Variants in ABCD3 observed in about 807,000 individuals in gnomAD.
ABCD3 encodes the protein ATP-binding cassette sub-family D member 3.
In ABCD3, 41 loss-of-function variants were observed where a neutral mutation model predicts 105.5. The ratio of observed to expected loss-of-function variants is 0.39; its 90% confidence interval spans 0.30 to 0.50. ABCD3 has a LOEUF of 0.50. Ranked by LOEUF, ABCD3 falls within the 20% of genes least tolerant of loss-of-function variation. The pLI, the probability that ABCD3 is intolerant of heterozygous loss-of-function variation, is 0.84. For missense variants in ABCD3, 622 were observed against 806.3 expected, an observed-to-expected ratio of 0.77 and a Z score of 2.77; for synonymous variants, 258 against 269.0, an observed-to-expected ratio of 0.96 and a Z score of 0.40.
At chr1:94,458,119 ATT>A (rs972673828) in intron 1 of ABCD3, among the ~76,000 whole-genome samples, 1 of 152,166 alleles carries the variant, frequency 6.6e-6, no homozygotes, top group African/African-American at 2.4e-5. Flanking sequence ...CACTTTCCTC[ATT>A]TGTAATATGG....
rs1001242299 is a variant in ABCD3 at position 94,517,252 on chromosome 1, TTAAC to T, written c.*126_*129del. 2.7e-6 allele frequency: 2 copies of T among 739,104 alleles called. No individual in the cohort carries two copies. The highest frequency in any genetic ancestry group is 3.6e-5 in the African/African-American group (2 of 56,304). 45.8% of individuals were successfully genotyped at this position (739,104 alleles called of 1,614,324 possible). A position where few individuals can be genotyped will look rare whatever the true frequency, so the allele number is the denominator to read the frequency against. On this transcript the variant is annotated 3_prime_UTR_variant, in exon 23 of 23. Transcript: ENST00000370214. ...TTAAAAAAAAAAACAAAGCAACAAA[TTAAC>T]TAGATACAGAATAATGGAGAACAAG...
rs560387060 is a variant in ABCD3, at chr1:94,418,452, C to T, written c.-27C>T. 2.6e-6 allele frequency: 4 copies of T among 1,559,352 alleles called. No homozygotes were observed. The highest frequency in any genetic ancestry group is 4.7e-5 in the East Asian group (2 of 42,882). On this transcript the variant is annotated 5_prime_UTR_variant, in exon 1 of 23. Coordinates refer to ENST00000370214, the MANE Select transcript of ABCD3 (RefSeq NM_002858.4). ...CGCCGCCGCCGCCGCCGCGTCCCCT[C>T]GCCGGCTCGCTGGTACCGGCAGTGC...
At chr1:94,502,354 T>A (rs973055273) in intron 20 of ABCD3, among the ~76,000 whole-genome samples, 2 of 152,210 alleles carry the variant, frequency 1.3e-5, no homozygotes, top group Admixed American at 6.5e-5. Flanking sequence ...CAAAGAAAGA[T>A]AGGCTATTAT....
chr1:94,491,093 T>C, intron 15 of ABCD3, 91 bp from the exon 16 acceptor site: 1 of 925,682 alleles, frequency 1.1e-6, no homozygotes, highest in South Asian at 1.5e-5. Flanking sequence ...TTGCCCATTT[T>C]TTAATCAGGT....
chr1:94,497,259 A>G (rs928326730), intron 16 of ABCD3, among the ~76,000 whole-genome samples: 19 of 152,160 alleles, frequency 1.2e-4, no homozygotes, highest in African/African-American at 4.6e-4. Context: ...CAGTAAGGGT[A>G]GAGGTTTTTG....
At chr1:94,403,049 C>T in the ABCD3 span, among the ~76,000 whole-genome samples, 2 of 147,172 alleles carry the variant, frequency 1.4e-5, no homozygotes, top group Admixed American at 7.0e-5. Flanking sequence ...TGAGAATATG[C>T]GGTGTTTGGT....
At chr1:94,393,650 G>A in the ABCD3 span, among the ~76,000 whole-genome samples, 8 of 151,562 alleles carry the variant, frequency 5.3e-5, no homozygotes, top group African/African-American at 1.9e-4. Flanking sequence ...AAAAAAGAAA[G>A]AAAAGAAAAG....
chr1:94,403,058 GT>G, the ABCD3 span, among the ~76,000 whole-genome samples: 1 of 149,260 alleles, frequency 6.7e-6, no homozygotes, highest in Non-Finnish European at 1.5e-5. Context: ...GCGGTGTTTG[GT>G]TTTTTGTTCT....
At chr1:94,405,974 T>C in the ABCD3 span, among the ~76,000 whole-genome samples, 1 of 150,424 alleles carries the variant, frequency 6.6e-6, no homozygotes, top group African/African-American at 2.4e-5. Flanking sequence ...TGCATTTGAA[T>C]TTTTAGTAAC....
chr1:94,483,827 A>G (rs1271983282), intron 10 of ABCD3, among the ~76,000 whole-genome samples: 3 of 152,180 alleles, frequency 2.0e-5, no homozygotes, highest in African/African-American at 7.2e-5. Flanking sequence ...TCTGCACAGC[A>G]AAAGAAACTA....
At chr1:94,423,560 T>C (rs1659350909) in intron 1 of ABCD3, among the ~76,000 whole-genome samples, 1 of 152,244 alleles carries the variant, frequency 6.6e-6, no homozygotes, top group Non-Finnish European at 1.5e-5. Flanking sequence ...GCGTCTGCCT[T>C]GATTTCTCTA....
Position 94,418,421 on chromosome 1 carries a change from A to T in ABCD3, c.-58A>T. Reference sequence around the variant, plus strand: ...TCCCCCGCGCTGCGTGCAGTAAGGTAGCCGCCGCCGCCGCCGCCGCCGCGT... The same window carrying T: ...TCCCCCGCGCTGCGTGCAGTAAGGTTGCCGCCGCCGCCGCCGCCGCCGCGT... On this transcript the variant is annotated 5_prime_UTR_variant, in exon 1 of 23. Coordinates refer to ENST00000370214, the MANE Select transcript of ABCD3 (RefSeq NM_002858.4). 1 of 1,405,464 alleles carries T rather than the reference A, an allele frequency of 7.1e-7. No individual in the cohort carries two copies. The allele number at this position is 1,405,464 out of a possible 1,614,324, so 87.1% of individuals were successfully genotyped here.
chr1:94,418,374 G>T, upstream of ABCD3: 1 of 1,035,968 alleles, frequency 9.7e-7, no homozygotes, highest in East Asian at 2.7e-5. Context: ...GGCCGGCCCC[G>T]CCCTCTGCTC....
chr1:94,461,788 C>T (rs1490519632), intron 2 of ABCD3, among the ~76,000 whole-genome samples: 1 of 152,056 alleles, frequency 6.6e-6, no homozygotes, highest in African/African-American at 2.4e-5. Context: ...TGTGGCTAAG[C>T]ATATGTGCAG....
intron 1 of ABCD3, among the ~76,000 whole-genome samples, chr1:94,447,106 C>T (rs1660378139): frequency 6.6e-6 from 1 of 152,182 alleles, no homozygotes; most frequent in Non-Finnish European, 1.5e-5. Context: ...CATTGTTCAG[C>T]CTCTAGAACC....
chr1:94,503,906 C>CTTTTTTTTTT (rs71097203), intron 20 of ABCD3, among the ~76,000 whole-genome samples: 2 of 69,790 alleles, frequency 2.9e-5, no homozygotes, highest in African/African-American at 5.6e-5. Flanking sequence ...ACAAGTGATT[C>CTTTTTTTTTT]TTTTTTTTTT....
At chr1:94,422,582 A>T (rs1342754237) in intron 1 of ABCD3, among the ~76,000 whole-genome samples, 6 of 152,190 alleles carry the variant, frequency 3.9e-5, no homozygotes, top group Non-Finnish European at 8.8e-5. Flanking sequence ...CCTACATCAG[A>T]TCCTGAGTTT....
chr1:94,489,696 G>T, intron 13 of ABCD3, 29 bp from the exon 14 acceptor site: 2 of 1,507,614 alleles, frequency 1.3e-6, no homozygotes, highest in South Asian at 1.1e-5. Context: ...CTGGAGTTTT[G>T]ATTATGGTTT....
intron 8 of ABCD3, among the ~76,000 whole-genome samples, chr1:94,479,369 T>C (rs1331133010): frequency 3.9e-5 from 6 of 152,178 alleles, no homozygotes; most frequent in Non-Finnish European, 8.8e-5. Context: ...AGAAACTGTT[T>C]TAGTTATCTT....
Sources: allele counts gnomAD v4.1 joint callset (sites outside exome capture counted in the v4.1 genomes callset), GRCh38; gene constraint gnomAD v4.1.1; transcripts MANE v1.5; gene names NCBI Gene and HGNC (gene_info 2026-07-23, HGNC 2026-07-21).